The following MYO16 variants were observed in gnomAD, a reference collection of about 807,000 sequenced individuals.
MYO16 encodes myosin XVI, also known as unconventional myosin-XVI.
MYO16 carries 94 observed loss-of-function variants against 205.3 expected under a neutral mutation model. The ratio of observed to expected loss-of-function variants is 0.46; its 90% confidence interval spans 0.39 to 0.54. The LOEUF (loss-of-function observed/expected upper bound fraction) is 0.54. Ranked by LOEUF, MYO16 falls within the 20% of genes least tolerant of loss-of-function variation. The pLI is 0.00. For synonymous variants in MYO16, 988 were observed against 954.0 expected (o/e 1.04, Z -0.66); for missense variants, 2,315 against 2,387.5 (o/e 0.97, Z 0.63).
chr13:108,853,402 CT>C (rs1384533277), intron 10 of MYO16, among the ~76,000 whole-genome samples: 3 of 152,158 alleles, frequency 2.0e-5, no homozygotes, highest in Non-Finnish European at 4.4e-5. Context: ...AGCTATGCCC[CT>C]AACCCAACAT....
intron 7 of MYO16, among the ~76,000 whole-genome samples, chr13:108,807,293 T>G (rs1463460760): frequency 6.6e-6 from 1 of 152,144 alleles, no homozygotes; most frequent in Non-Finnish European, 1.5e-5. Context: ...AAGAGACTAA[T>G]CATTATGTAA....
At chr13:109,007,618 G>A (rs1885444019) in intron 21 of MYO16, among the ~76,000 whole-genome samples, 2 of 151,550 alleles carry the variant, frequency 1.3e-5, no homozygotes, top group South Asian at 4.2e-4. Context: ...AAGTAGAAGA[G>A]TAGCCTAGAG....
chr13:108,567,934 C>T, the MYO16 span, among the ~76,000 whole-genome samples: 1 of 152,090 alleles, frequency 6.6e-6, no homozygotes, highest in South Asian at 2.1e-4. Flanking sequence ...CTATACTGAA[C>T]ATTTAATGTA....
At chr13:109,158,164 C>T (rs1373272144) in intron 32 of MYO16, among the ~76,000 whole-genome samples, 1 of 152,098 alleles carries the variant, frequency 6.6e-6, no homozygotes, top group African/African-American at 2.4e-5. Flanking sequence ...TCTTTGCCTT[C>T]CCAGGGCTGA....
rs565019364 is a variant in MYO16, at chr13:108,870,287, C to T, written c.1425+4045C>T. On this transcript the variant is annotated intron_variant, in intron 12 of 34. Coordinates refer to ENST00000457511, the MANE Select transcript of MYO16 (RefSeq NM_001198950.3). Reference sequence around the variant, plus strand: ...TTTATCCTTTTCTTTATATTACTGACGTCTATTAAATAATATTTTGCTGAG... The same window carrying T: ...TTTATCCTTTTCTTTATATTACTGATGTCTATTAAATAATATTTTGCTGAG... 4.0e-5 allele frequency among the ~76,000 whole-genome samples: 6 copies of T among 151,812 alleles called. 1 individual carries two copies. Among genetic ancestry groups the T allele is most frequent in the East Asian group, 3.9e-4 (2 of 5,180 alleles).
intron 32 of MYO16, among the ~76,000 whole-genome samples, chr13:109,144,500 A>G (rs9514990): frequency 0.26 from 38,828 of 152,158 alleles, 5,399 homozygotes; most frequent in Non-Finnish European, 0.31. Context: ...TAAAGTTTAC[A>G]CAGTTTGATC....
chr13:108,570,246 TTTTC>T, the MYO16 span, among the ~76,000 whole-genome samples: 1 of 152,088 alleles, frequency 6.6e-6, no homozygotes, highest in Non-Finnish European at 1.5e-5. Flanking sequence ...CCTTTTCCTT[TTTTC>T]TTTCTTTCTT....
At chr13:108,931,850 G>A (rs987684452) in intron 16 of MYO16, among the ~76,000 whole-genome samples, 1 of 152,158 alleles carries the variant, frequency 6.6e-6, no homozygotes, top group Non-Finnish European at 1.5e-5. Context: ...ATCATCTGAT[G>A]CATTTACTTT....
intron 2 of MYO16, among the ~76,000 whole-genome samples, chr13:108,676,524 T>G (rs1469892434): frequency 6.6e-6 from 1 of 152,140 alleles, no homozygotes; most frequent in Non-Finnish European, 1.5e-5. Flanking sequence ...TGATGTGACT[T>G]GGAAATGGAG....
chr13:109,034,929 A>G lies in MYO16; in HGVS notation c.2797-11987A>G, dbSNP rs1886667403. 2.6e-5 allele frequency among the ~76,000 whole-genome samples: 4 copies of G among 152,214 alleles called. 1 individual carries two copies. The South Asian group carries it at 8.3e-4, about 31-fold the overall frequency. On this transcript the variant is annotated intron_variant, in intron 23 of 34. Transcript: ENST00000457511. ...ATCAAAACTCAATTAAATAGATAAG[A>G]AACTGTGGTTCAGAGAAGCTGACTA...
chr13:108,661,461 G>A (rs1881498724), intron 1 of MYO16, among the ~76,000 whole-genome samples: 1 of 151,868 alleles, frequency 6.6e-6, no homozygotes, highest in Non-Finnish European at 1.5e-5. Context: ...AGACTTCTTG[G>A]AGGCTTTGTT....
intron 27 of MYO16, among the ~76,000 whole-genome samples, chr13:109,068,833 C>T (rs1233892099): frequency 3.3e-5 from 5 of 152,086 alleles, no homozygotes; most frequent in Non-Finnish European, 5.9e-5. Context: ...TCAGGTGATC[C>T]GCCCACCTTG....
At chr13:108,898,770 A>T (rs558690695) in intron 15 of MYO16, among the ~76,000 whole-genome samples, 162 of 152,278 alleles carry the variant, frequency 1.1e-3, no homozygotes, top group Non-Finnish European at 1.8e-3. Context: ...AAAACTCCTT[A>T]TTTAAAATTC....
In MYO16 at chr13:108,636,346, C is replaced by CTT. The variant is rs71125326; in HGVS notation, c.28+6497_28+6498dup. ...TAGTCTTAAATGAAAAAATATTTCC[C>CTT]TTTTTTTTTTTTTTTTTTTTTTTTG... On this transcript the variant is annotated intron_variant, in intron 1 of 34. Coordinates refer to ENST00000457511, the MANE Select transcript of MYO16 (RefSeq NM_001198950.3). Among the ~76,000 whole-genome samples the CTT allele has an allele frequency of 4.9e-5, 4 of 81,328 alleles. 1 individual carries two copies. Among genetic ancestry groups the CTT allele is most frequent in the Non-Finnish European group, 2.3e-5 (1 of 42,704 alleles). 53.4% of individuals were successfully genotyped at this position (81,328 alleles called of 152,430 possible).
At chr13:108,570,080 A>G in the MYO16 span, among the ~76,000 whole-genome samples, 157 of 152,236 alleles carry the variant, frequency 1.0e-3, no homozygotes, top group Non-Finnish European at 1.7e-3. Flanking sequence ...GAAATTATCT[A>G]TACATAGTAT....
At chr13:108,566,741 GGAAGGA>G in the MYO16 span, among the ~76,000 whole-genome samples, 2 of 59,938 alleles carry the variant, frequency 3.3e-5, no homozygotes, top group Admixed American at 3.2e-4. Flanking sequence ...AAGGGAGGAA[GGAAGGA>G]AGGAAGGAAG....
chr13:109,195,513 G>T (rs1880116693), intron 34 of MYO16, among the ~76,000 whole-genome samples: 1 of 152,026 alleles, frequency 6.6e-6, no homozygotes, highest in South Asian at 2.1e-4. Context: ...GTAGACTTCG[G>T]TTTTATAGAC....
intron 28 of MYO16, among the ~76,000 whole-genome samples, chr13:109,112,198 C>T (rs1037284178): frequency 2.0e-5 from 3 of 152,064 alleles, no homozygotes; most frequent in Admixed American, 1.3e-4. Context: ...AGGGTTAGCT[C>T]ATATTATGGA....
intron 27 of MYO16, among the ~76,000 whole-genome samples, chr13:109,072,678 A>G (rs564539739): frequency 1.1e-3 from 170 of 152,204 alleles, no homozygotes; most frequent in African/African-American, 3.8e-3. Context: ...ACGGCTGCTC[A>G]CTAGACATAC....
Sources: gnomAD v4.1 joint callset for allele counts (sites outside exome capture counted in the v4.1 genomes callset) on GRCh38, gnomAD v4.1.1 for gene constraint, MANE v1.5 for transcripts, NCBI Gene and HGNC (gene_info 2026-07-23, HGNC 2026-07-21) for gene names.